ALK: variants seen among roughly 807,000 people sequenced by gnomAD.
ALK encodes the protein ALK tyrosine kinase receptor.
Under a neutral mutation model 163.1 loss-of-function variants are expected in ALK, and 74 were observed. The observed-to-expected ratio is 0.45, with a 90% CI of 0.38 to 0.55. The LOEUF is 0.55. ALK is among the 20% of genes least tolerant of loss of function. The probability of loss-of-function intolerance (pLI) is 0.00; values close to 1 mark genes in which losing one functional copy is unlikely to be tolerated. For missense variants in ALK, 2,063 were observed against 2,105.3 expected, an observed-to-expected ratio of 0.98 and a Z score of 0.39; for synonymous variants, 960 against 843.2, an observed-to-expected ratio of 1.14 and a Z score of -2.40.
chr2:29,842,563 T>C (rs1331466183), intron 1 of ALK, among the ~76,000 whole-genome samples: 1 of 152,124 alleles, frequency 6.6e-6, no homozygotes, highest in Non-Finnish European at 1.5e-5. Context: ...AGTTCCCAGG[T>C]TAGTTATGGT....
chr2:29,720,259 T>C (rs78639784), intron 1 of ALK, among the ~76,000 whole-genome samples: 4,417 of 152,162 alleles, frequency 0.029, 87 homozygotes, highest in Non-Finnish European at 0.043. Context: ...GGCTGGGTCA[T>C]GACCCAGCAA....
At chr2:29,748,809 G>A (rs1262534381) in intron 1 of ALK, among the ~76,000 whole-genome samples, 2 of 152,024 alleles carry the variant, frequency 1.3e-5, no homozygotes, top group Admixed American at 6.5e-5. Flanking sequence ...GCAGTGGCAC[G>A]ATCAAGGCTC....
intron 1 of ALK, among the ~76,000 whole-genome samples, chr2:29,758,324 G>A (rs184232049): frequency 3.3e-5 from 5 of 152,258 alleles, no homozygotes; most frequent in African/African-American, 1.2e-4. Context: ...GGGGGTGGCT[G>A]TGACTTTCCC....
chr2:29,414,079 G>A (rs1375805148), intron 4 of ALK, among the ~76,000 whole-genome samples: 3 of 152,240 alleles, frequency 2.0e-5, no homozygotes, highest in Non-Finnish European at 4.4e-5. Context: ...ATACACATGA[G>A]CAATGCATTG....
At chr2:29,402,487 CTTTAT>C in intron 4 of ALK, among the ~76,000 whole-genome samples, 1 of 152,298 alleles carries the variant, frequency 6.6e-6, no homozygotes, top group South Asian at 2.1e-4. Context: ...CTTGTGGTTT[CTTTAT>C]TTTATTAACC....
chr2:29,902,014 T>G (rs1269266891), intron 1 of ALK, among the ~76,000 whole-genome samples: 2 of 152,216 alleles, frequency 1.3e-5, no homozygotes, highest in Admixed American at 1.3e-4. Flanking sequence ...TTCATTTCTC[T>G]TATCTTCCAA....
At chr2:29,866,001 G>A (rs181568197) in intron 1 of ALK, among the ~76,000 whole-genome samples, 69 of 152,300 alleles carry the variant, frequency 4.5e-4, no homozygotes, top group African/African-American at 1.6e-3. Flanking sequence ...GCCCATGCTT[G>A]AAGGGAGTTG....
chr2:29,849,746 G>A (rs1044408443), intron 1 of ALK, among the ~76,000 whole-genome samples: 1 of 152,110 alleles, frequency 6.6e-6, no homozygotes, highest in Non-Finnish European at 1.5e-5. Context: ...GGTTGCAGTG[G>A]TGTCCCTTAG....
intron 1 of ALK, among the ~76,000 whole-genome samples, chr2:29,785,891 AG>A (rs1012778393): frequency 2.7e-5 from 4 of 150,798 alleles, no homozygotes; most frequent in Admixed American, 1.3e-4. Context: ...TCATTTACAT[AG>A]GGGGAAATGT....
intron 13 of ALK, among the ~76,000 whole-genome samples, chr2:29,237,059 G>C (rs1664405160): frequency 6.6e-6 from 1 of 152,092 alleles, no homozygotes; most frequent in Non-Finnish European, 1.5e-5. Context: ...AGTGGCTCAG[G>C]CACAATTTTT....
chr2:29,498,998 C>T (rs1222654453), intron 4 of ALK, among the ~76,000 whole-genome samples: 1 of 152,174 alleles, frequency 6.6e-6, no homozygotes, highest in African/African-American at 2.4e-5. Flanking sequence ...TAAACTTCTC[C>T]TCCCCATCAA....
At chr2:29,577,769 G>A (rs1373729050) in intron 3 of ALK, among the ~76,000 whole-genome samples, 4 of 152,180 alleles carry the variant, frequency 2.6e-5, no homozygotes, top group Non-Finnish European at 5.9e-5. Flanking sequence ...GTGAATCTCT[G>A]CTCTCGTTCT....
At chr2:29,748,465 C>G (rs1157267315) in intron 1 of ALK, among the ~76,000 whole-genome samples, 1 of 152,168 alleles carries the variant, frequency 6.6e-6, no homozygotes, top group African/African-American at 2.4e-5. Context: ...GATTAAGTGT[C>G]TGGGGTGGAG....
Position 29,197,873 on chromosome 2 carries a change from C to G in ALK, c.3939-197G>C, listed in dbSNP as rs62130563. Among the ~76,000 whole-genome samples, 2,285 of 152,184 alleles carry G rather than the reference C, an allele frequency of 0.015. 31 individuals are homozygous for G. Among genetic ancestry groups the G allele is most frequent in the Non-Finnish European group, 0.023 (1,595 of 68,002 alleles). On this transcript the variant is annotated intron_variant, in intron 26 of 28. Transcript: ENST00000389048. The stretch of plus-strand genomic sequence containing the variant: ...CACATGATGCTCCCTTAAAAGACAA[C>G]CCCTGTTGATTTTTAAGTCGTTTCT...
In ALK at chr2:29,227,437, C is replaced by A; in HGVS notation, c.2914+137G>T. The A allele has an allele frequency of 2.4e-6, 2 of 824,206 alleles. No homozygotes were observed. Among genetic ancestry groups the A allele is most frequent in the South Asian group, 1.4e-5 (1 of 73,016 alleles). The allele number at this position is 824,206 out of a possible 1,614,324, so 51.1% of individuals were successfully genotyped here. A position where few individuals can be genotyped will look rare whatever the true frequency, so the allele number is the denominator to read the frequency against. On this transcript the variant is annotated intron_variant, in intron 17 of 28. Coordinates refer to ENST00000389048, the MANE Select transcript of ALK (RefSeq NM_004304.5). The surrounding 1 kb of genome is among the most constrained non-coding windows in gnomAD (Gnocchi z 4.4). ...GACTTCTGGAAAATGTGGTGACCTG[C>A]GCCATAGGAAGCTTGCCTGCCAGGG... is the stretch of plus-strand genomic sequence containing the variant.
At chr2:29,337,785 G>A (rs567211121) in intron 5 of ALK, among the ~76,000 whole-genome samples, 18 of 152,168 alleles carry the variant, frequency 1.2e-4, no homozygotes, top group Admixed American at 3.9e-4. Flanking sequence ...AGCGCCTTTC[G>A]CCCCTAGTTT....
intron 12 of ALK, among the ~76,000 whole-genome samples, chr2:29,250,416 T>C (rs1664786429): frequency 4.6e-5 from 7 of 152,220 alleles, no homozygotes. Context: ...AAAGGCTGCA[T>C]TGACACCACC....
chr2:29,244,826 C>A (rs142478738), intron 12 of ALK, among the ~76,000 whole-genome samples: 4 of 152,360 alleles, frequency 2.6e-5, no homozygotes, highest in African/African-American at 9.6e-5. Flanking sequence ...CCTGTGATAT[C>A]TCTCCTACTA....
intron 22 of ALK, chr2:29,221,100 G>C (rs1357572572): frequency 3.3e-6 from 2 of 604,654 alleles, no homozygotes; most frequent in African/African-American, 3.6e-5. Flanking sequence ...AGGCACTTGG[G>C]TGAGGAAGTG....
Sources: gnomAD v4.1 joint callset for allele counts (sites outside exome capture counted in the v4.1 genomes callset) on GRCh38, gnomAD v4.1.1 for gene constraint, Gnocchi (gnomAD v3.1) non-coding constraint, MANE v1.5 for transcripts, NCBI Gene and HGNC (gene_info 2026-07-23, HGNC 2026-07-21) for gene names.